The following MAGI1 variants were observed in gnomAD, a reference collection of about 807,000 sequenced individuals.
MAGI1 encodes membrane associated guanylate kinase, WW and PDZ domain containing 1, also known as membrane-associated guanylate kinase, WW and PDZ domain-containing protein 1.
A neutral mutation model predicts 139.9 loss-of-function variants in MAGI1; 58 were observed. The ratio of observed to expected loss-of-function variants is 0.41; its 90% confidence interval spans 0.34 to 0.52. The LOEUF is 0.52. Ranked by LOEUF, MAGI1 falls within the 20% of genes least tolerant of loss-of-function variation. MAGI1 has a pLI of 0.12. For missense variants in MAGI1, 1,874 were observed against 1,901.6 expected, an observed-to-expected ratio of 0.99 and a Z score of 0.27; for synonymous variants, 812 against 737.9, an observed-to-expected ratio of 1.10 and a Z score of -1.63.
intron 2 of MAGI1, among the ~76,000 whole-genome samples, chr3:65,562,762 C>G (rs1216549681): frequency 6.6e-6 from 1 of 152,190 alleles, no homozygotes; most frequent in African/African-American, 2.4e-5. Context: ...CTTGTTCCAA[C>G]ACAAAAATGA....
intron 2 of MAGI1, among the ~76,000 whole-genome samples, chr3:65,528,246 A>T (rs1405966308): frequency 6.6e-6 from 1 of 152,238 alleles, no homozygotes; most frequent in Non-Finnish European, 1.5e-5. Context: ...CAACTGTCAC[A>T]AATTGATATA....
At chr3:65,509,294 G>T (rs1009505251) in intron 2 of MAGI1, among the ~76,000 whole-genome samples, 6 of 152,178 alleles carry the variant, frequency 3.9e-5, no homozygotes, top group African/African-American at 7.2e-5. Context: ...TTTGTTTTTG[G>T]GGAGGAGCCA....
rs1397430770 is a variant in MAGI1, at chr3:65,354,525, A to G, written c.*1853T>C. The G allele has an allele frequency of 1.3e-5, 2 of 152,688 alleles. No homozygotes were observed. The highest frequency in any genetic ancestry group is 2.4e-5 in the African/African-American group (1 of 41,476). The allele number at this position is 152,688 out of a possible 1,614,324, so 9.5% of individuals were successfully genotyped here. On this transcript the variant is annotated 3_prime_UTR_variant, in exon 23 of 23. Coordinates refer to ENST00000402939, the MANE Select transcript of MAGI1 (RefSeq NM_001033057.2). The stretch of plus-strand genomic sequence containing the variant: ...AGCATTAAGTCCATAGCACACTGCA[A>G]GAAATAAATGAGTGAAGAACAGAGA...
chr3:65,823,575 T>G (rs1163536878), intron 1 of MAGI1, among the ~76,000 whole-genome samples: 1 of 152,216 alleles, frequency 6.6e-6, no homozygotes, highest in Non-Finnish European at 1.5e-5. Context: ...GCATACACTG[T>G]TGTCAACAAC....
chr3:65,581,053 C>T (rs1014180772), intron 2 of MAGI1, among the ~76,000 whole-genome samples: 5 of 151,910 alleles, frequency 3.3e-5, no homozygotes, highest in African/African-American at 9.7e-5. Flanking sequence ...TATTCTCATA[C>T]CACCCATCAA....
intron 1 of MAGI1, among the ~76,000 whole-genome samples, chr3:65,802,530 A>G (rs1233313655): frequency 6.6e-6 from 1 of 152,194 alleles, no homozygotes; most frequent in Non-Finnish European, 1.5e-5. Flanking sequence ...GCCCTCTAAA[A>G]ATGTGCCCAA....
intron 1 of MAGI1, among the ~76,000 whole-genome samples, chr3:65,840,506 C>T (rs1353381637): frequency 6.6e-6 from 1 of 152,174 alleles, no homozygotes; most frequent in Non-Finnish European, 1.5e-5. Context: ...TTTTCTGCAT[C>T]AATTGATATA....
chr3:65,576,388 C>T (rs1031043725), intron 2 of MAGI1, among the ~76,000 whole-genome samples: 2 of 152,102 alleles, frequency 1.3e-5, no homozygotes, highest in African/African-American at 2.4e-5. Context: ...GTCAATCCTA[C>T]GTAGACAATG....
chr3:65,580,972 C>G (rs1404540), intron 2 of MAGI1, among the ~76,000 whole-genome samples: 1 of 151,902 alleles, frequency 6.6e-6, no homozygotes, highest in Non-Finnish European at 1.5e-5. Context: ...ATCTCAGTAA[C>G]GGATGACTCC....
At chr3:65,784,293 T>C (rs570777715) in intron 1 of MAGI1, among the ~76,000 whole-genome samples, 2 of 152,298 alleles carry the variant, frequency 1.3e-5, no homozygotes, top group South Asian at 4.1e-4. Flanking sequence ...CCACTCTAGG[T>C]ATGCATACAA....
At position 65,958,250 on chromosome 3, in the gene MAGI1, A is replaced by C. The variant is rs191867130; in HGVS notation, c.313+79746T>G. Among the ~76,000 whole-genome samples, 135 of 152,364 alleles carry C rather than the reference A, an allele frequency of 8.9e-4. No homozygotes were observed. In the South Asian group the frequency reaches 0.012, roughly 13 times the overall value. Reference sequence around the variant, plus strand: ...TTTTGAGACTTACACAGGAAAAAATAGGTACAGTGTAAGACATTCTAAATT... The same window carrying C: ...TTTTGAGACTTACACAGGAAAAAATCGGTACAGTGTAAGACATTCTAAATT... On this transcript the variant is annotated intron_variant, in intron 1 of 22. Coordinates refer to ENST00000402939, the MANE Select transcript of MAGI1 (RefSeq NM_001033057.2).
chr3:65,661,745 G>GTTTTTTTTTTTTTTTTT (rs11369893), intron 1 of MAGI1, among the ~76,000 whole-genome samples: 9 of 93,912 alleles, frequency 9.6e-5, no homozygotes, highest in Admixed American at 3.0e-4. Context: ...GTTTTTTTCT[G>GTTTTTTTTTTTTTTTTT]TTTTTTTTTT....
At chr3:65,841,776 C>A (rs539828777) in intron 1 of MAGI1, among the ~76,000 whole-genome samples, 4 of 152,122 alleles carry the variant, frequency 2.6e-5, no homozygotes, top group Non-Finnish European at 5.9e-5. Flanking sequence ...TTTCCCTCCA[C>A]CAGCCTTTTT....
intron 22 of MAGI1, chr3:65,360,516 G>A (rs1305208689): frequency 6.1e-6 from 6 of 984,546 alleles, no homozygotes; most frequent in Non-Finnish European, 6.0e-6. Flanking sequence ...GTATAACCTG[G>A]CTTTCCTCAT....
At chr3:65,740,602 G>A (rs543940671) in intron 1 of MAGI1, among the ~76,000 whole-genome samples, 24 of 152,286 alleles carry the variant, frequency 1.6e-4, no homozygotes, top group African/African-American at 5.3e-4. Context: ...AAATCCCAGT[G>A]ATAGTGGGGA....
chr3:66,035,596 T>C (rs994785596), intron 1 of MAGI1, among the ~76,000 whole-genome samples: 2 of 152,102 alleles, frequency 1.3e-5, no homozygotes, highest in Non-Finnish European at 2.9e-5. Context: ...TTACATGAAA[T>C]AGTCACTTTC....
intron 1 of MAGI1, among the ~76,000 whole-genome samples, chr3:65,664,572 G>A (rs572270341): frequency 1.1e-4 from 17 of 152,276 alleles, no homozygotes; most frequent in Admixed American, 2.0e-4. Flanking sequence ...AGTTTCTGTG[G>A]AGAAAAATAG....
intron 4 of MAGI1, among the ~76,000 whole-genome samples, chr3:65,473,312 G>C (rs535588757): frequency 6.6e-6 from 1 of 152,208 alleles, no homozygotes; most frequent in South Asian, 2.1e-4. Flanking sequence ...TTAACTTTCT[G>C]AGCACATATT....
chr3:65,362,384 G>A (rs1940960192), intron 21 of MAGI1, among the ~76,000 whole-genome samples: 2 of 151,874 alleles, frequency 1.3e-5, no homozygotes, highest in Non-Finnish European at 2.9e-5. Context: ...TGATTAAAAG[G>A]CAAGGGAAAA....
Sources: allele counts gnomAD v4.1 joint callset (sites outside exome capture counted in the v4.1 genomes callset), GRCh38; gene constraint gnomAD v4.1.1; transcripts MANE v1.5; gene names NCBI Gene and HGNC (gene_info 2026-07-23, HGNC 2026-07-21).